The following SACM1L variants were observed in gnomAD, a reference collection of about 807,000 sequenced individuals.
SACM1L encodes the protein SAC1 like phosphatidylinositide phosphatase, also known as phosphatidylinositol-3-phosphatase SAC1.
A neutral mutation model predicts 89.5 loss-of-function variants in SACM1L; 32 were observed. The ratio of observed to expected loss-of-function variants is 0.36; its 90% CI spans 0.27 to 0.48. The LOEUF is 0.48. Ranked by LOEUF, SACM1L falls within the 20% of genes least tolerant of loss-of-function variation. The pLI is 0.99. For missense variants in SACM1L, 543 were observed against 708.5 expected, an observed-to-expected ratio of 0.77 and a Z score of 2.65; for synonymous variants, 213 against 232.8, an observed-to-expected ratio of 0.92 and a Z score of 0.77.
chr3:45,722,049 T>G lies in SACM1L; in HGVS notation c.729T>G (p.Ile243Met), dbSNP rs746058141. The G allele has an allele frequency of 4.3e-6, 7 of 1,612,946 alleles. No individual in the cohort carries two copies. In the Admixed American group the frequency reaches 8.4e-5, roughly 19 times the overall value. ...CTAACTTTGTAGAAACAGAACAAAT[T>G]GTGCACTACAATGGGAGCAAAGCTT... is the stretch of plus-strand genomic sequence containing the variant. ...HAANFVETEQIVHYNGSKASF... is the reference protein window; with the variant it reads ...HAANFVETEQMVHYNGSKASF... The change falls in exon 9 of 20, where the codon ATT (isoleucine) becomes ATG (methionine). Residue 243 changes from isoleucine to methionine, a missense_variant. This residue lies in a region of SACM1L where 370 missense variants were observed against 527.6 expected (regional missense o/e 0.70). Transcript: ENST00000389061.
At chr3:45,701,620 G>A (rs1698272967) in intron 1 of SACM1L, among the ~76,000 whole-genome samples, 1 of 152,116 alleles carries the variant, frequency 6.6e-6, no homozygotes, top group Non-Finnish European at 1.5e-5. Context: ...ATTGAAGTTT[G>A]ATTGACATAC....
At chr3:45,731,620 G>C (rs1462144988) in intron 12 of SACM1L, among the ~76,000 whole-genome samples, 3 of 152,130 alleles carry the variant, frequency 2.0e-5, no homozygotes, top group Admixed American at 1.3e-4. Context: ...GAGGCTTTGT[G>C]CTCCAGAGAG....
chr3:45,724,437 A>G (rs898855537), intron 11 of SACM1L, among the ~76,000 whole-genome samples: 1 of 151,886 alleles, frequency 6.6e-6, no homozygotes, highest in Non-Finnish European at 1.5e-5. Flanking sequence ...CTCATTGGCC[A>G]TTTGTGTATC....
chr3:45,719,362 T>A, intron 7 of SACM1L, 138 bp from the exon 8 acceptor site: 1 of 503,554 alleles, frequency 2.0e-6, no homozygotes, highest in East Asian at 3.3e-5. Context: ...ACTAAGGGCT[T>A]GTGAATATTC....
intron 1 of SACM1L, among the ~76,000 whole-genome samples, chr3:45,699,468 A>AAAATTAT (rs11280870): frequency 0.96 from 144,173 of 150,392 alleles, 69,110 homozygotes; most frequent in Middle Eastern, 0.99. Flanking sequence ...TAAATTTTAT[A>AAAATTAT]AAATTATAAA....
In SACM1L at chr3:45,713,203, T is replaced by C. The variant is rs375372428; in HGVS notation, c.543+7T>C. 2.1e-5 allele frequency: 33 copies of C among 1,606,400 alleles called. No homozygotes were observed. The highest frequency in any genetic ancestry group is 2.6e-5 in the Non-Finnish European group (31 of 1,176,092). On this transcript the variant is annotated splice_region_variant and intron_variant, in intron 6 of 19. Coordinates refer to ENST00000389061, the MANE Select transcript of SACM1L (RefSeq NM_014016.5). ...ACTTTCTGCACAGCCAGAGGTAATG[T>C]ACACGAAATAAAATCTGCTTAATTG... is the stretch of plus-strand genomic sequence containing the variant.
At chr3:45,705,634 C>G (rs1698373889) in intron 3 of SACM1L, among the ~76,000 whole-genome samples, 1 of 151,380 alleles carries the variant, frequency 6.6e-6, no homozygotes, top group African/African-American at 2.4e-5. Flanking sequence ...TCCTGAGTAG[C>G]TGGGATTACA....
At chr3:45,719,205 A>C (rs1447722517) in intron 7 of SACM1L, among the ~76,000 whole-genome samples, 7 of 152,150 alleles carry the variant, frequency 4.6e-5, no homozygotes, top group Non-Finnish European at 1.0e-4. Context: ...TGATGTGGTT[A>C]ATACTTAATT....
chr3:45,738,191 G>T (rs752657973), intron 16 of SACM1L, among the ~76,000 whole-genome samples: 6 of 152,192 alleles, frequency 3.9e-5, no homozygotes, highest in Non-Finnish European at 8.8e-5. Context: ...GAGTAATGAG[G>T]ACATTAATGA....
intron 4 of SACM1L, chr3:45,707,293 A>T (rs1348453873): frequency 5.9e-6 from 1 of 170,784 alleles, no homozygotes; most frequent in Non-Finnish European, 1.3e-5. Context: ...TATTTTTACC[A>T]CATGTGAATG....
intron 1 of SACM1L, chr3:45,689,763 G>A (rs948667367): frequency 3.4e-6 from 2 of 583,720 alleles, no homozygotes; most frequent in East Asian, 2.9e-5. Flanking sequence ...GGCCCCCACC[G>A]AGCCGGGGTC....
At chr3:45,712,737 ACTC>A (rs1246994089) in intron 5 of SACM1L, among the ~76,000 whole-genome samples, 1 of 152,066 alleles carries the variant, frequency 6.6e-6, no homozygotes, top group African/African-American at 2.4e-5. Flanking sequence ...ATGTTAGAGA[ACTC>A]CTGCTGGTAG....
At chr3:45,695,522 A>G (rs1222379414) in intron 1 of SACM1L, among the ~76,000 whole-genome samples, 1 of 152,090 alleles carries the variant, frequency 6.6e-6, no homozygotes, top group Non-Finnish European at 1.5e-5. Context: ...CGGCCTCCCA[A>G]AGTGTTGGGA....
At chr3:45,698,937 A>T (rs1205116720) in intron 1 of SACM1L, among the ~76,000 whole-genome samples, 1 of 151,668 alleles carries the variant, frequency 6.6e-6, no homozygotes, top group Non-Finnish European at 1.5e-5. Context: ...CACCCAGCTA[A>T]TTTTTTTGTT....
rs141930534 is a variant in SACM1L, at chr3:45,703,358, C to T, written c.33-80C>T. On this transcript the variant is annotated intron_variant, in intron 1 of 19. Transcript: ENST00000389061. The stretch of plus-strand genomic sequence containing the variant: ...GGGAAAATGATGTCAAATTTATACT[C>T]TGTAATTGTCATAATAAGTAGTTTT... 57 of 946,014 alleles carry T rather than the reference C, an allele frequency of 6.0e-5. No individual in the cohort carries two copies. In the East Asian group the frequency reaches 1.3e-3, roughly 22 times the overall value. 58.6% of individuals were successfully genotyped at this position (946,014 alleles called of 1,614,324 possible). A position where few individuals can be genotyped will look rare whatever the true frequency, so the allele number is the denominator to read the frequency against.
intron 1 of SACM1L, among the ~76,000 whole-genome samples, chr3:45,698,606 G>A (rs1483316120): frequency 2.0e-5 from 3 of 152,164 alleles, no homozygotes; most frequent in Admixed American, 1.3e-4. Context: ...GCTGGAGTGC[G>A]ATGGCGCAAT....
At chr3:45,719,093 C>A (rs776628938) in intron 7 of SACM1L, among the ~76,000 whole-genome samples, 4 of 151,814 alleles carry the variant, frequency 2.6e-5, no homozygotes, top group African/African-American at 9.7e-5. Flanking sequence ...TTTTTTTTCC[C>A]CTTAGCTGCA....
chr3:45,727,490 T>G (rs79638446), intron 11 of SACM1L, among the ~76,000 whole-genome samples: 1 of 152,212 alleles, frequency 6.6e-6, no homozygotes, highest in Non-Finnish European at 1.5e-5. Context: ...TCTGCTGCTG[T>G]TGGGTACAGT....
intron 8 of SACM1L, 142 bp downstream of exon 8, chr3:45,719,743 A>G: frequency 1.9e-6 from 1 of 535,824 alleles, no homozygotes; most frequent in East Asian, 3.2e-5. Flanking sequence ...CATTGTAATA[A>G]TTAGGTAGGT....
Sources: allele counts gnomAD v4.1 joint callset (sites outside exome capture counted in the v4.1 genomes callset), GRCh38; gene constraint gnomAD v4.1.1; regional missense constraint gnomAD v4.1.1; transcripts MANE v1.5; gene names NCBI Gene and HGNC (gene_info 2026-07-23, HGNC 2026-07-21).